The following MSRA variants were observed in gnomAD, a reference collection of about 807,000 sequenced individuals.
MSRA encodes the protein methionine sulfoxide reductase A, also known as mitochondrial peptide methionine sulfoxide reductase.
MSRA carries 54 observed loss-of-function variants against 31.3 expected under a neutral mutation model. The ratio of observed to expected loss-of-function variants is 1.73; its 90% CI spans 1.39 to 2.17. The LOEUF (loss-of-function observed/expected upper bound fraction) is 2.17, where lower values mean the gene tolerates loss of function less well. MSRA is among the 30% of genes most tolerant of loss of function. MSRA has a pLI of 0.00. For missense variants in MSRA, 507 were observed against 300.9 expected (o/e 1.69, Z -5.07); for synonymous variants, 169 against 116.5 (o/e 1.45, Z -2.90).
At chr8:10,258,654 G>A (rs1257040073) in intron 3 of MSRA, among the ~76,000 whole-genome samples, 1 of 152,214 alleles carries the variant, frequency 6.6e-6, no homozygotes, top group African/African-American at 2.4e-5. Flanking sequence ...AGAATATCAT[G>A]AGAAAAGTCC....
chr8:10,281,689 G>A (rs576835236), intron 3 of MSRA, among the ~76,000 whole-genome samples: 3 of 152,274 alleles, frequency 2.0e-5, no homozygotes, highest in African/African-American at 7.2e-5. Flanking sequence ...ACAATGACCG[G>A]GTTCTATGGA....
intron 1 of MSRA, among the ~76,000 whole-genome samples, chr8:10,172,518 G>A (rs962383055): frequency 3.3e-5 from 5 of 152,172 alleles, no homozygotes; most frequent in Non-Finnish European, 7.3e-5. Flanking sequence ...GAGTATTAGC[G>A]TAGGGGCGGA....
intron 1 of MSRA, among the ~76,000 whole-genome samples, chr8:10,116,826 G>C (rs61591817): frequency 0.049 from 7,394 of 152,216 alleles, 419 homozygotes; most frequent in African/African-American, 0.14. Context: ...AAGTAGTCGG[G>C]CGTGGTGGCA....
intron 1 of MSRA, among the ~76,000 whole-genome samples, chr8:10,132,044 C>A (rs535897207): frequency 6.6e-6 from 1 of 152,296 alleles, no homozygotes; most frequent in East Asian, 1.9e-4. Context: ...ACAGAGAAGA[C>A]TGACATGTGT....
chr8:10,291,975 G>A lies in MSRA; in HGVS notation c.332-9559G>A, dbSNP rs1350617628. On this transcript the variant is annotated intron_variant, in intron 3 of 5. Transcript: ENST00000317173. ...CATTAGTCACCGTGGAATCCTCAGT[G>A]CTCAGCACCGTGCATGGAGCTTAGC... Among the ~76,000 whole-genome samples the A allele has an allele frequency of 2.0e-5, 3 of 152,166 alleles. No individual in the cohort carries two copies. In the East Asian group the frequency reaches 5.8e-4, roughly 29 times the overall value.
chr8:10,258,609 C>T (rs551549096), intron 3 of MSRA, among the ~76,000 whole-genome samples: 3 of 152,302 alleles, frequency 2.0e-5, no homozygotes, highest in Admixed American at 6.5e-5. Flanking sequence ...TCTTGTAAGC[C>T]CTGCACGGTG....
chr8:10,352,104 G>C (rs1423408449), intron 5 of MSRA, among the ~76,000 whole-genome samples: 2 of 152,342 alleles, frequency 1.3e-5, no homozygotes, highest in Non-Finnish European at 2.9e-5. Context: ...CCTAGCTCCT[G>C]ATTGATCATT....
intron 2 of MSRA, among the ~76,000 whole-genome samples, chr8:10,219,084 G>C (rs185135076): frequency 2.7e-4 from 41 of 152,300 alleles, no homozygotes; most frequent in African/African-American, 9.4e-4. Context: ...GAGGGCCTGA[G>C]GGTTGGAGGA....
chr8:10,408,495 A>G (rs763653074), intron 5 of MSRA, among the ~76,000 whole-genome samples: 49 of 152,154 alleles, frequency 3.2e-4, no homozygotes, highest in Non-Finnish European at 4.7e-4. Context: ...AGCTGTGAGC[A>G]TACCACTACA....
At chr8:10,392,521 G>T (rs1002194634) in intron 5 of MSRA, among the ~76,000 whole-genome samples, 3 of 152,044 alleles carry the variant, frequency 2.0e-5, no homozygotes, top group Non-Finnish European at 2.9e-5. Flanking sequence ...CCCTTCCTCT[G>T]TCTCTGGGGA....
chr8:10,116,566 C>G (rs180972995), intron 1 of MSRA, among the ~76,000 whole-genome samples: 3 of 152,300 alleles, frequency 2.0e-5, no homozygotes, highest in Admixed American at 1.3e-4. Context: ...GATAAGTAGA[C>G]AAATCACTTG....
intron 1 of MSRA, among the ~76,000 whole-genome samples, chr8:10,101,543 A>G (rs1358782947): frequency 3.3e-5 from 5 of 152,098 alleles, no homozygotes; most frequent in Non-Finnish European, 5.9e-5. Flanking sequence ...TCCCTTCCCC[A>G]AACCCCGCAA....
chr8:10,324,774 C>T (rs904436455), intron 5 of MSRA, among the ~76,000 whole-genome samples: 1 of 152,150 alleles, frequency 6.6e-6, no homozygotes, highest in Non-Finnish European at 1.5e-5. Flanking sequence ...AAGGAAGACC[C>T]CATACAAGTT....
At chr8:10,176,947 C>T (rs1331875138) in intron 1 of MSRA, among the ~76,000 whole-genome samples, 1 of 152,188 alleles carries the variant, frequency 6.6e-6, no homozygotes, top group Non-Finnish European at 1.5e-5. Flanking sequence ...AGAGTCTTGT[C>T]TGGAGACATA....
chr8:10,137,449 G>A (rs7821075), intron 1 of MSRA, among the ~76,000 whole-genome samples: 6,051 of 152,168 alleles, frequency 0.04, 275 homozygotes, highest in African/African-American at 0.11. Flanking sequence ...CCTGGAATCG[G>A]TATTTATTTC....
At chr8:10,134,282 G>A (rs1480823026) in intron 1 of MSRA, among the ~76,000 whole-genome samples, 2 of 151,788 alleles carry the variant, frequency 1.3e-5, no homozygotes, top group Non-Finnish European at 2.9e-5. Context: ...CTATTACCAC[G>A]TAAGACAATG....
intron 1 of MSRA, among the ~76,000 whole-genome samples, chr8:10,093,540 C>T (rs1214441439): frequency 6.6e-6 from 1 of 152,096 alleles, no homozygotes; most frequent in Non-Finnish European, 1.5e-5. Flanking sequence ...TTTATAACAA[C>T]AGTTCTATGC....
chr8:10,198,699 A>G (rs530567990), intron 1 of MSRA, among the ~76,000 whole-genome samples: 7 of 152,254 alleles, frequency 4.6e-5, no homozygotes, highest in Admixed American at 1.3e-4. Flanking sequence ...TCATAGCTCA[A>G]TGCAGCTTCT....
intron 1 of MSRA, among the ~76,000 whole-genome samples, chr8:10,170,043 T>TTA (rs1805466829): frequency 2.1e-5 from 1 of 48,216 alleles, no homozygotes; most frequent in African/African-American, 2.6e-4. Flanking sequence ...CTGGCTAATA[T>TTA]TTTTTTTTTT....
Sources: gnomAD v4.1 joint callset for allele counts (sites outside exome capture counted in the v4.1 genomes callset) on GRCh38, gnomAD v4.1.1 for gene constraint, MANE v1.5 for transcripts, NCBI Gene and HGNC (gene_info 2026-07-23, HGNC 2026-07-21) for gene names.